Variants in ABCC9 observed in about 807,000 individuals in gnomAD.
ABCC9 encodes the protein ATP-binding cassette sub-family C member 9.
In ABCC9, 95 loss-of-function variants were observed where a neutral mutation model predicts 188.3. The ratio of observed to expected loss-of-function variants is 0.50; its 90% CI spans 0.43 to 0.60. The LOEUF (loss-of-function observed/expected upper bound fraction) is 0.60. Ranked by LOEUF, ABCC9 falls within the 20% of genes least tolerant of loss-of-function variation. The probability of loss-of-function intolerance (pLI) is 0.00; values close to 1 mark genes in which losing one functional copy is unlikely to be tolerated. For missense variants in ABCC9, 1,102 were observed against 1,876.3 expected, an observed-to-expected ratio of 0.59 and a Z score of 7.62; for synonymous variants, 659 against 652.7, an observed-to-expected ratio of 1.01 and a Z score of -0.15.
intron 16 of ABCC9, among the ~76,000 whole-genome samples, chr12:21,877,219 A>C (rs1307006568): frequency 6.6e-6 from 1 of 152,352 alleles, no homozygotes; most frequent in Middle Eastern, 3.4e-3. Flanking sequence ...ACAAGACACG[A>C]CATTATGGGC....
Position 21,910,277 on chromosome 12 carries a change from CG to C in ABCC9, c.1199del (p.Thr400SerfsTer9). On this transcript the variant is annotated frameshift_variant, in exon 10 of 40. Transcript: ENST00000261200. LOFTEE classifies it high-confidence loss of function. ...MIYNKILRLSTSNLSMGEMTL... is the reference protein window; with the variant it reads ...MIYNKILRLSXSNLSMGEMTL... ...TCATCTCCCCCATGGATAAGTTAGA[CG>C]TAGAGAGCCTAAGGATTTTATTATA... The C allele has an allele frequency of 6.2e-7, 1 of 1,602,842 alleles. No homozygotes were observed. The highest frequency in any genetic ancestry group is 8.5e-7 in the Non-Finnish European group (1 of 1,176,738).
chr12:21,808,778 CAA>C lies in ABCC9; in HGVS notation c.4315+1072_4315+1073del, dbSNP rs34314026. ...TGGGTAACATAGCGAGAACTTGTCT[CAA>C]AAAAAAAAAAAAAAAAAAAGAAAAA... On this transcript the variant is annotated intron_variant, in intron 37 of 39. Coordinates refer to ENST00000261200, the MANE Select transcript of ABCC9 (RefSeq NM_020297.4). 7.6e-3 allele frequency among the ~76,000 whole-genome samples: 609 copies of C among 80,470 alleles called. 5 individuals are homozygous for C. Among genetic ancestry groups the C allele is most frequent in the African/African-American group, 0.027 (564 of 21,092 alleles). The allele number at this position is 80,470 out of a possible 152,430, so 52.8% of individuals were successfully genotyped here. A position where few individuals can be genotyped will look rare whatever the true frequency, so the allele number is the denominator to read the frequency against.
intron 37 of ABCC9, 65 bp downstream of exon 37, chr12:21,809,787 G>A (rs149533136): frequency 4.1e-4 from 381 of 930,998 alleles, no homozygotes; most frequent in African/African-American, 3.8e-3. Flanking sequence ...AGCATAAAAC[G>A]TAGATAGACA....
In ABCC9 at chr12:21,936,060, T is replaced by C. The variant is rs558664431; in HGVS notation, c.142+473A>G. 1.1e-4 allele frequency among the ~76,000 whole-genome samples: 17 copies of C among 152,212 alleles called. No individual in the cohort carries two copies. The South Asian group carries it at 3.3e-3, about 30-fold the overall frequency. ...TCCCCAGACATGTCACTCACTATCT[T>C]CCCCACCACCTCCAAAGAGTGAGTT... On this transcript the variant is annotated intron_variant, in intron 3 of 39. Coordinates refer to ENST00000261200, the MANE Select transcript of ABCC9 (RefSeq NM_020297.4).
chr12:21,825,497 C>T (rs1373407178), intron 31 of ABCC9, among the ~76,000 whole-genome samples: 2 of 152,132 alleles, frequency 1.3e-5, no homozygotes, highest in Non-Finnish European at 2.9e-5. Flanking sequence ...TTTGTAGGGA[C>T]ATGGATGAAG....
intron 19 of ABCC9, 71 bp from the exon 20 acceptor site, chr12:21,863,125 A>ATAG: frequency 1.0e-6 from 1 of 995,644 alleles, no homozygotes; most frequent in Non-Finnish European, 1.5e-6. Flanking sequence ...GTATTTTACT[A>ATAG]TAAATAGGGG....
intron 15 of ABCC9, 148 bp downstream of exon 15, chr12:21,887,678 G>C (rs967112329): frequency 1.5e-6 from 1 of 662,202 alleles, no homozygotes; most frequent in Admixed American, 2.4e-5. Context: ...TTAGACTTGT[G>C]AGGTTGTAGA....
intron 30 of ABCC9, among the ~76,000 whole-genome samples, chr12:21,829,314 G>C (rs1372922924): frequency 7.3e-6 from 1 of 137,456 alleles, no homozygotes; most frequent in Non-Finnish European, 1.5e-5. Context: ...CCATTCTTCT[G>C]CCTCAGCCTC....
intron 12 of ABCC9, among the ~76,000 whole-genome samples, chr12:21,904,684 A>C (rs1455347839): frequency 2.0e-5 from 3 of 152,254 alleles, no homozygotes; most frequent in African/African-American, 7.2e-5. Flanking sequence ...AGAAATGCTC[A>C]TCATCACTGG....
rs544638166 is a variant in ABCC9, at chr12:21,871,693, C to A, written c.2198+932G>T. The stretch of plus-strand genomic sequence containing the variant: ...CAATTGATATTTGGGACAAGAGAAT[C>A]CCTTGGTATGGGAGCTGTCCTGTGC... On this transcript the variant is annotated intron_variant, in intron 18 of 39. Transcript: ENST00000261200. Among the ~76,000 whole-genome samples the A allele has an allele frequency of 2.0e-5, 3 of 152,278 alleles. No homozygotes were observed. The South Asian group carries it at 6.2e-4, about 32-fold the overall frequency.
chr12:21,882,650 A>T, intron 16 of ABCC9, 116 bp downstream of exon 16: 1 of 916,482 alleles, frequency 1.1e-6, no homozygotes, highest in Non-Finnish European at 1.7e-6. Context: ...ATTAGGGTTA[A>T]TGACAACTGT....
At chr12:21,809,219 C>T (rs1467128085) in intron 37 of ABCC9, among the ~76,000 whole-genome samples, 2 of 152,074 alleles carry the variant, frequency 1.3e-5, no homozygotes, top group Non-Finnish European at 2.9e-5. Flanking sequence ...TCAATAATCA[C>T]ATTCATGCTG....
chr12:21,883,937 G>A (rs1946754217), intron 15 of ABCC9, among the ~76,000 whole-genome samples: 1 of 151,984 alleles, frequency 6.6e-6, no homozygotes, highest in Non-Finnish European at 1.5e-5. Flanking sequence ...CTAATTTTTT[G>A]GTTCAGTTTC....
At chr12:21,844,253 A>T (rs1230530641) in intron 28 of ABCC9, among the ~76,000 whole-genome samples, 6 of 152,158 alleles carry the variant, frequency 3.9e-5, no homozygotes, top group Non-Finnish European at 8.8e-5. Flanking sequence ...TTACTTCATG[A>T]TGGTTCTCCA....
rs192033779 is a variant in ABCC9 at position 21,890,138 on chromosome 12, A to C, written c.1803-2204T>G. 1.3e-4 allele frequency among the ~76,000 whole-genome samples: 20 copies of C among 152,320 alleles called. No individual in the cohort carries two copies. In the East Asian group the frequency reaches 3.5e-3, roughly 26 times the overall value. ...TTCTATTCATACGAGGTCCTTTCAGAAATCACAGAGGTAAAACAATTATGG... is the reference window on the plus strand; with the variant it reads ...TTCTATTCATACGAGGTCCTTTCAGCAATCACAGAGGTAAAACAATTATGG... On this transcript the variant is annotated intron_variant, in intron 14 of 39. Coordinates refer to ENST00000261200, the MANE Select transcript of ABCC9 (RefSeq NM_020297.4).
chr12:21,835,650 T>C (rs1334165430), intron 30 of ABCC9, among the ~76,000 whole-genome samples: 2 of 152,174 alleles, frequency 1.3e-5, no homozygotes, highest in Non-Finnish European at 2.9e-5. Flanking sequence ...GGATCTCTCT[T>C]ATCTACTTTT....
chr12:21,929,927 G>A (rs7977434), intron 4 of ABCC9, among the ~76,000 whole-genome samples: 90,039 of 151,322 alleles, frequency 0.6, 27,018 homozygotes, highest in East Asian at 0.8. Flanking sequence ...TTGGTGTGCT[G>A]CACCTATTAA....
Position 21,852,156 on chromosome 12 carries a change from C to T in ABCC9, c.2710G>A (p.Val904Ile), listed in dbSNP as rs902986986. 4 of 1,613,652 alleles carry T rather than the reference C, an allele frequency of 2.5e-6. No homozygotes were observed. The highest frequency in any genetic ancestry group is 1.7e-6 in the Non-Finnish European group (2 of 1,179,916). The change falls in exon 24 of 40, where the codon GTT becomes ATT. Residue 904 changes from valine (V) to isoleucine (I), a missense_variant. This residue lies in a region of ABCC9 where 131 missense variants were observed against 170.2 expected (regional missense o/e 0.77). Coordinates refer to ENST00000261200, the MANE Select transcript of ABCC9 (RefSeq NM_020297.4). The part of the protein sequence containing the change: ...GTLKDIQTKD[V>I]ELYEHWKTLM... ...GTTTTCCAGTGTTCATAAAGCTCAA[C>T]ATCTTTGGTTTGAATGTCCTTCAAA...
At chr12:21,846,309 G>A (rs969085334) in intron 25 of ABCC9, among the ~76,000 whole-genome samples, 12 of 152,072 alleles carry the variant, frequency 7.9e-5, no homozygotes, top group African/African-American at 2.2e-4. Flanking sequence ...CAAAGCCAGG[G>A]GACACAAAGG....
Sources: gnomAD v4.1 joint callset for allele counts (sites outside exome capture counted in the v4.1 genomes callset) on GRCh38, gnomAD v4.1.1 for gene constraint, gnomAD v4.1.1 regional missense constraint, MANE v1.5 for transcripts, NCBI Gene and HGNC (gene_info 2026-07-23, HGNC 2026-07-21) for gene names.